The following KIFC3 variants were observed in gnomAD, a reference collection of about 807,000 sequenced individuals.
The protein encoded by KIFC3 is kinesin family member C3.
Under a neutral mutation model 101.8 loss-of-function variants are expected in KIFC3, and 60 were observed. That is an observed-to-expected ratio of 0.59 (90% CI 0.48 to 0.73). The LOEUF is 0.73. Ranked by LOEUF, KIFC3 falls within the 30% of genes least tolerant of loss-of-function variation. The probability of loss-of-function intolerance (pLI) is 0.00; values close to 1 mark genes in which losing one functional copy is unlikely to be tolerated. For missense variants in KIFC3, 966 were observed against 1,137.1 expected (o/e 0.85, Z 2.16); for synonymous variants, 476 against 482.7 (o/e 0.99, Z 0.18).
At chr16:57,835,236 C>T (rs186670362) in intron 1 of KIFC3, among the ~76,000 whole-genome samples, 435 of 152,232 alleles carry the variant, frequency 2.9e-3, no homozygotes, top group Admixed American at 4.4e-3. Flanking sequence ...AACTACCAAA[C>T]GACTTATTTT....
At chr16:57,813,725 CAGGTGG>C (rs1447728064) in intron 1 of KIFC3, 32,794 of 985,336 alleles carry the variant, frequency 0.033, 1,141 homozygotes, top group East Asian at 0.31. Context: ...ACCACTCATG[CAGGTGG>C]GCTTGGCATC....
chr16:57,759,668 G>C (rs2049583985), intron 18 of KIFC3, 60 bp downstream of exon 18: 1 of 1,294,284 alleles, frequency 7.7e-7, no homozygotes, highest in African/African-American at 1.5e-5. Context: ...CCAGGTAAGG[G>C]CAGCCTGGTG....
chr16:57,778,186 G>A (rs548237481), intron 3 of KIFC3, among the ~76,000 whole-genome samples: 6 of 152,176 alleles, frequency 3.9e-5, no homozygotes, highest in Admixed American at 6.5e-5. Context: ...AGGCTGAGGC[G>A]GGCAGATCAC....
At chr16:57,847,263 GA>G (rs1270667448) in intron 1 of KIFC3, among the ~76,000 whole-genome samples, 5 of 88,904 alleles carry the variant, frequency 5.6e-5, no homozygotes, top group South Asian at 8.6e-4. Flanking sequence ...AGGAAGGAAG[GA>G]AGGAAGGGAA....
chr16:57,811,829 C>T (rs536954452), intron 1 of KIFC3, among the ~76,000 whole-genome samples: 1 of 150,390 alleles, frequency 6.6e-6, no homozygotes, highest in South Asian at 2.1e-4. Context: ...GGCGGAGAAT[C>T]ACTTGAACCT....
At chr16:57,764,015 C>T (rs1597893722) in intron 12 of KIFC3, 128 bp downstream of exon 12, 1 of 721,322 alleles carries the variant, frequency 1.4e-6, no homozygotes, top group East Asian at 2.6e-5. Flanking sequence ...TAACTACAGC[C>T]TCTGCTCCTG....
At chr16:57,798,026 G>C in intron 2 of KIFC3, 46 bp downstream of exon 2, 2 of 1,558,316 alleles carry the variant, frequency 1.3e-6, no homozygotes, top group Non-Finnish European at 8.7e-7. Flanking sequence ...CTGGTATCTG[G>C]AGGAAGGAAG....
Position 57,772,300 on chromosome 16 carries a change from G to C in KIFC3, c.316-12C>G, listed in dbSNP as rs782787757. ...TTCAGGTGTTCTACCTGTGGGCACAGAGTCAGGAGCAAGGTGAGCCTCAGT... is the reference window on the plus strand; with the variant it reads ...TTCAGGTGTTCTACCTGTGGGCACACAGTCAGGAGCAAGGTGAGCCTCAGT... On this transcript the variant is annotated splice_polypyrimidine_tract_variant and intron_variant, in intron 3 of 19. Coordinates refer to ENST00000445690, the MANE Select transcript of KIFC3 (RefSeq NM_001130100.2). 5.6e-6 allele frequency: 9 copies of C among 1,613,312 alleles called. No homozygotes were observed. Among genetic ancestry groups the C allele is most frequent in the Non-Finnish European group, 7.6e-6 (9 of 1,179,432 alleles).
intron 1 of KIFC3, among the ~76,000 whole-genome samples, chr16:57,827,788 A>T (rs2055490617): frequency 6.6e-6 from 1 of 152,180 alleles, no homozygotes; most frequent in Non-Finnish European, 1.5e-5. Flanking sequence ...CTGGAACCCC[A>T]TGCCAGTTCT....
intron 1 of KIFC3, among the ~76,000 whole-genome samples, chr16:57,860,217 G>A (rs928569903): frequency 2.0e-5 from 3 of 152,090 alleles, no homozygotes; most frequent in Non-Finnish European, 4.4e-5. Context: ...ACTTCGGGAG[G>A]CCGAAGCAGG....
At chr16:57,855,119 C>CT (rs1229988962) in intron 1 of KIFC3, among the ~76,000 whole-genome samples, 5,166 of 104,928 alleles carry the variant, frequency 0.049, 169 homozygotes, top group African/African-American at 0.09. Context: ...CCATTTCTTT[C>CT]TTTTTTTTTT....
chr16:57,803,345 T>C (rs1160038554), upstream of KIFC3: 86 of 656,552 alleles, frequency 1.3e-4, no homozygotes, highest in Non-Finnish European at 2.0e-5. Flanking sequence ...AGGCAGCATT[T>C]TATTCCAGAG....
upstream of KIFC3, among the ~76,000 whole-genome samples, chr16:57,806,370 C>A (rs1173977261): frequency 6.6e-6 from 1 of 152,164 alleles, no homozygotes; most frequent in African/African-American, 2.4e-5. Context: ...GCTTGTCCCT[C>A]CTTCAAGTTT....
At chr16:57,805,609 G>T (rs1555626773), upstream of KIFC3, among the ~76,000 whole-genome samples, 1 of 151,250 alleles carries the variant, frequency 6.6e-6, no homozygotes, top group Non-Finnish European at 1.5e-5. Context: ...CCCAGGCAGG[G>T]ACTAGCAGCG....
At chr16:57,819,362 TG>T (rs1385616889) in intron 1 of KIFC3, among the ~76,000 whole-genome samples, 1 of 152,042 alleles carries the variant, frequency 6.6e-6, no homozygotes, top group Non-Finnish European at 1.5e-5. Flanking sequence ...GCTAGCTACC[TG>T]GGAGGCTGAG....
intron 1 of KIFC3, among the ~76,000 whole-genome samples, chr16:57,808,400 C>T (rs533839831): frequency 6.6e-6 from 1 of 152,082 alleles, no homozygotes; most frequent in East Asian, 1.9e-4. Context: ...AAGTGTTCTG[C>T]CGCTTCTCTC....
At chr16:57,836,613 C>T (rs2055693100) in intron 1 of KIFC3, among the ~76,000 whole-genome samples, 1 of 152,160 alleles carries the variant, frequency 6.6e-6, no homozygotes, top group African/African-American at 2.4e-5. Context: ...AAAAAGAAAA[C>T]AAAAATGTAC....
intron 1 of KIFC3, among the ~76,000 whole-genome samples, chr16:57,799,196 T>G (rs1254266493): frequency 6.6e-6 from 1 of 152,226 alleles, no homozygotes; most frequent in African/African-American, 2.4e-5. Flanking sequence ...AGGTATTCCC[T>G]GCAGAAGTCT....
chr16:57,789,894 AC>A (rs1420753287), intron 3 of KIFC3, among the ~76,000 whole-genome samples: 1 of 150,808 alleles, frequency 6.6e-6, no homozygotes, highest in Non-Finnish European at 1.5e-5. Context: ...GCGCCATCAC[AC>A]CTGGCTAATT....
Sources: allele counts gnomAD v4.1 joint callset (sites outside exome capture counted in the v4.1 genomes callset), GRCh38; gene constraint gnomAD v4.1.1; transcripts MANE v1.5; gene names NCBI Gene and HGNC (gene_info 2026-07-23, HGNC 2026-07-21).